Variants in B3GALNT2 observed in about 807,000 individuals in gnomAD.
The protein encoded by B3GALNT2 is beta-1,3-N-acetylgalactosaminyltransferase 2.
A neutral mutation model predicts 61.1 loss-of-function variants in B3GALNT2; 53 were observed. The ratio of observed to expected loss-of-function variants is 0.87; its 90% CI spans 0.70 to 1.09. The LOEUF is 1.09. Among genes scored for constraint, B3GALNT2 ranks in the 50% least tolerant of loss-of-function variants. The pLI, the probability that B3GALNT2 is intolerant of heterozygous loss-of-function variation, is 0.00. For missense variants in B3GALNT2, 544 were observed against 623.0 expected (o/e 0.87, Z 1.35); for synonymous variants, 223 against 237.4 (o/e 0.94, Z 0.56).
chr1:235,451,541 A>G (rs1682902126), intron 11 of B3GALNT2: 1 of 152,174 alleles, frequency 6.6e-6, no homozygotes, highest in African/African-American at 2.4e-5. Flanking sequence ...AGAAACAACA[A>G]ACTGCAAAAT....
At chr1:235,490,985 G>T (rs1265755160) in intron 2 of B3GALNT2, among the ~76,000 whole-genome samples, 1 of 151,192 alleles carries the variant, frequency 6.6e-6, no homozygotes, top group African/African-American at 2.4e-5. Context: ...TTATTGTTTT[G>T]TTGACTGTCT....
At chr1:235,482,578 T>G (rs1684608891) in intron 4 of B3GALNT2, among the ~76,000 whole-genome samples, 1 of 151,624 alleles carries the variant, frequency 6.6e-6, no homozygotes, top group Non-Finnish European at 1.5e-5. Flanking sequence ...GTTTAGTCTG[T>G]GTCCAGCCAA....
At chr1:235,474,973 ATATATATATATATATTTTT>A (rs1223405482) in intron 5 of B3GALNT2, among the ~76,000 whole-genome samples, 717 of 29,758 alleles carry the variant, frequency 0.024, 24 homozygotes, top group South Asian at 0.033. Flanking sequence ...ATATATATAT[ATATATATATATATATTTTT>A]TTTTTTTTTT....
At chr1:235,499,703 A>T (rs1685499797) in intron 1 of B3GALNT2, among the ~76,000 whole-genome samples, 1 of 152,212 alleles carries the variant, frequency 6.6e-6, no homozygotes, top group Non-Finnish European at 1.5e-5. Context: ...AACAAAGTAT[A>T]GATAGCTATG....
At chr1:235,459,440 T>C (rs188557273) in intron 7 of B3GALNT2, among the ~76,000 whole-genome samples, 14 of 152,194 alleles carry the variant, frequency 9.2e-5, no homozygotes, top group South Asian at 6.2e-4. Context: ...CTAGGTTATA[T>C]AGGGAGACCC....
intron 6 of B3GALNT2, among the ~76,000 whole-genome samples, chr1:235,466,067 T>C (rs184843608): frequency 1.1e-4 from 17 of 152,280 alleles, no homozygotes; most frequent in Admixed American, 9.1e-4. Flanking sequence ...CTTTGATTTT[T>C]TGGAAACTAA....
At chr1:235,486,801 G>C (rs1358421949) in intron 3 of B3GALNT2, among the ~76,000 whole-genome samples, 3 of 152,154 alleles carry the variant, frequency 2.0e-5, no homozygotes, top group East Asian at 1.9e-4. Context: ...GTTTTCAATT[G>C]TAATTTGTTG....
At chr1:235,495,889 TTGA>T (rs1423852008) in intron 1 of B3GALNT2, among the ~76,000 whole-genome samples, 2 of 152,158 alleles carry the variant, frequency 1.3e-5, no homozygotes, top group Non-Finnish European at 2.9e-5. Context: ...CAAAACCAGG[TTGA>T]TATTTTCTTC....
intron 1 of B3GALNT2, among the ~76,000 whole-genome samples, chr1:235,502,250 T>C (rs1449484464): frequency 6.6e-6 from 1 of 152,188 alleles, no homozygotes; most frequent in Non-Finnish European, 1.5e-5. Flanking sequence ...TGACCTCAGG[T>C]GATCCACCCA....
chr1:235,494,905 TACAA>T, intron 1 of B3GALNT2, 77 bp from the exon 2 acceptor site: 1 of 1,312,470 alleles, frequency 7.6e-7, no homozygotes, highest in Non-Finnish European at 1.0e-6. Context: ...ATAAGTTTAT[TACAA>T]AATAAGCTTA....
chr1:235,488,051 T>G (rs930196087), intron 3 of B3GALNT2, among the ~76,000 whole-genome samples: 1 of 152,196 alleles, frequency 6.6e-6, no homozygotes, highest in African/African-American at 2.4e-5. Context: ...GGAGCAGCTT[T>G]CTTTATCCTC....
At chr1:235,485,394 GTC>G (rs1285459562) in intron 3 of B3GALNT2, among the ~76,000 whole-genome samples, 2 of 152,182 alleles carry the variant, frequency 1.3e-5, no homozygotes, top group Admixed American at 1.3e-4. Flanking sequence ...GCTTATTGCA[GTC>G]TCAACCTCCT....
chr1:235,455,797 T>C, intron 8 of B3GALNT2, 113 bp from the exon 9 acceptor site: 1 of 1,291,734 alleles, frequency 7.7e-7, no homozygotes, highest in Non-Finnish European at 1.1e-6. Context: ...CTAAATTTCT[T>C]ATTCCTCAAA....
chr1:235,498,419 A>G (rs1685428482), intron 1 of B3GALNT2, among the ~76,000 whole-genome samples: 1 of 152,148 alleles, frequency 6.6e-6, no homozygotes, highest in Non-Finnish European at 1.5e-5. Context: ...CTTCAATAAG[A>G]ATCAAGTTTG....
intron 4 of B3GALNT2, among the ~76,000 whole-genome samples, chr1:235,483,767 A>G (rs1684664758): frequency 6.6e-6 from 1 of 152,226 alleles, no homozygotes; most frequent in Non-Finnish European, 1.5e-5. Flanking sequence ...TCATGTTTAA[A>G]ACTAAAAAAC....
chr1:235,469,179 G>A (rs1247832049), intron 6 of B3GALNT2, among the ~76,000 whole-genome samples: 1 of 152,086 alleles, frequency 6.6e-6, no homozygotes, highest in Non-Finnish European at 1.5e-5. Flanking sequence ...CCTTACCACA[G>A]GTATGCAGGA....
rs1283475780 is a variant in B3GALNT2, at chr1:235,455,689, T to A, written c.1026-5A>T. The stretch of plus-strand genomic sequence containing the variant: ...AAGCTCGTTGTTTCCACAGTCCTGT[T>A]GACACAAAAGGGATAAGAAAGTCAG... On this transcript the variant is annotated splice_polypyrimidine_tract_variant and splice_region_variant and intron_variant, in intron 8 of 11. Transcript: ENST00000366600. 4 of 1,607,678 alleles carry A rather than the reference T, an allele frequency of 2.5e-6. No homozygotes were observed. The Admixed American group carries it at 6.7e-5, about 27-fold the overall frequency.
intron 1 of B3GALNT2, among the ~76,000 whole-genome samples, chr1:235,499,996 A>G (rs1006965255): frequency 1.3e-5 from 2 of 152,218 alleles, no homozygotes; most frequent in Middle Eastern, 3.2e-3. Context: ...TTCTACAGCT[A>G]GCCTCAGGTG....
At chr1:235,475,539 G>C (rs1054934142) in intron 5 of B3GALNT2, among the ~76,000 whole-genome samples, 2 of 152,038 alleles carry the variant, frequency 1.3e-5, no homozygotes, top group African/African-American at 4.8e-5. Flanking sequence ...GTTACTCTTT[G>C]CTGATGATAT....
Sources: allele counts gnomAD v4.1 joint callset (sites outside exome capture counted in the v4.1 genomes callset), GRCh38; gene constraint gnomAD v4.1.1; transcripts MANE v1.5; gene names NCBI Gene and HGNC (gene_info 2026-07-23, HGNC 2026-07-21).